BCL2L1: variants seen among roughly 807,000 people sequenced by gnomAD.
The protein encoded by BCL2L1 is bcl-2-like protein 1.
Under a neutral mutation model 18.7 loss-of-function variants are expected in BCL2L1, and 1 was observed. The ratio of observed to expected loss-of-function variants is 0.05; its 90% CI spans 0.02 to 0.25. The LOEUF (loss-of-function observed/expected upper bound fraction) is 0.25. BCL2L1 is among the 10% of genes least tolerant of loss of function. BCL2L1 has a pLI of 1.00. For synonymous variants in BCL2L1, 103 were observed against 122.7 expected (o/e 0.84, Z 1.06); for missense variants, 207 against 304.9 (o/e 0.68, Z 2.39).
intron 2 of BCL2L1, among the ~76,000 whole-genome samples, chr20:31,711,962 G>C (rs1007644750): frequency 6.6e-6 from 1 of 152,150 alleles, no homozygotes; most frequent in Non-Finnish European, 1.5e-5. Flanking sequence ...ACTTTTCTCT[G>C]AGCCTCAATT....
chr20:31,683,620 T>C lies in BCL2L1; in HGVS notation c.565-17534A>G, dbSNP rs547743148. Among the ~76,000 whole-genome samples, 6 of 151,722 alleles carry C rather than the reference T, an allele frequency of 4.0e-5. No homozygotes were observed. The East Asian group carries it at 1.2e-3, about 30-fold the overall frequency. Reference sequence around the variant, plus strand: ...CCCGTCTCTACTAAAAATACAAAAATTAGCTGGGTGTGGTGGCGGGCACCT... The same window carrying C: ...CCCGTCTCTACTAAAAATACAAAAACTAGCTGGGTGTGGTGGCGGGCACCT... On this transcript the variant is annotated intron_variant, in intron 2 of 2. Transcript: ENST00000307677.
rs542274623 is a variant in BCL2L1 at position 31,693,747 on chromosome 20, G to A, written c.565-27661C>T. Among the ~76,000 whole-genome samples, 27 of 152,020 alleles carry A rather than the reference G, an allele frequency of 1.8e-4. No individual in the cohort carries two copies. In the East Asian group the frequency reaches 5.3e-3, roughly 30 times the overall value. ...ATGGTGGTCTCACTATGTTGCCCAG[G>A]CTAGTCTCAAACTTCTGGCCTCAAG... is the stretch of plus-strand genomic sequence containing the variant. On this transcript the variant is annotated intron_variant, in intron 2 of 2. Coordinates refer to ENST00000307677, the MANE Select transcript of BCL2L1 (RefSeq NM_138578.3).
At chr20:31,720,833 G>A in intron 2 of BCL2L1, 1 of 985,432 alleles carries the variant, frequency 1.0e-6, no homozygotes, top group Non-Finnish European at 1.2e-6. Flanking sequence ...CTAGGTTCTT[G>A]CTTTGCCAGC....
intron 2 of BCL2L1, among the ~76,000 whole-genome samples, chr20:31,697,437 ACTTT>A (rs1315362984): frequency 1.3e-5 from 2 of 149,838 alleles, no homozygotes; most frequent in African/African-American, 2.4e-5. Flanking sequence ...TTAACAGGTG[ACTTT>A]CTTTTTTTTT....
Position 31,667,484 on chromosome 20 carries a change from C to CGTGTGTGTGTGTGTGTGTGTGTGT in BCL2L1, c.565-1422_565-1399dup, listed in dbSNP as rs3073682. ...AAAAAAAAAGGAAGTACCATAGTAC[C>CGTGTGTGTGTGTGTGTGTGTGTGT]GTGTGTGTGTGTGTGTGTGTGTGTG... On this transcript the variant is annotated intron_variant, in intron 2 of 2. Transcript: ENST00000307677. 1.7e-3 allele frequency among the ~76,000 whole-genome samples: 225 copies of CGTGTGTGTGTGTGTGTGTGTGTGT among 135,312 alleles called. 2 individuals carry two copies. The highest frequency in any genetic ancestry group is 2.7e-3 in the African/African-American group (89 of 32,718). The allele number at this position is 135,312 out of a possible 152,430, so 88.8% of individuals were successfully genotyped here.
At chr20:31,681,565 C>A (rs1295788226) in intron 2 of BCL2L1, among the ~76,000 whole-genome samples, 1 of 152,128 alleles carries the variant, frequency 6.6e-6, no homozygotes, top group Non-Finnish European at 1.5e-5. Context: ...TGCTGGAGCC[C>A]AGGAGGCTGA....
At chr20:31,700,383 A>G (rs1233439539) in intron 2 of BCL2L1, among the ~76,000 whole-genome samples, 1 of 152,168 alleles carries the variant, frequency 6.6e-6, no homozygotes, top group African/African-American at 2.4e-5. Flanking sequence ...AGTGGCCAGC[A>G]TGGGCATTAG....
At chr20:31,713,526 C>T (rs756365036) in intron 2 of BCL2L1, 25 of 985,256 alleles carry the variant, frequency 2.5e-5, no homozygotes, top group African/African-American at 1.4e-4. Flanking sequence ...CCTCCAGTTC[C>T]GAGGGGAGCA....
At chr20:31,716,012 C>G (rs1283319168) in intron 2 of BCL2L1, among the ~76,000 whole-genome samples, 4 of 152,062 alleles carry the variant, frequency 2.6e-5, no homozygotes, top group South Asian at 2.1e-4. Context: ...TTTCCCTCAC[C>G]CTGCCATAAC....
At chr20:31,723,946 C>T, upstream of BCL2L1, 3 of 985,478 alleles carry the variant, frequency 3.0e-6, no homozygotes, top group Non-Finnish European at 3.6e-6. Flanking sequence ...CAAGCTCAGT[C>T]ACTTCCGGTG....
At chr20:31,703,691 T>C (rs1461865011) in intron 2 of BCL2L1, among the ~76,000 whole-genome samples, 16 of 146,864 alleles carry the variant, frequency 1.1e-4, no homozygotes, top group African/African-American at 3.5e-4. Context: ...GGGGTTTCAC[T>C]GTGTTGGCCA....
chr20:31,698,570 G>A (rs779540574), intron 2 of BCL2L1, among the ~76,000 whole-genome samples: 3 of 151,236 alleles, frequency 2.0e-5, no homozygotes, highest in Non-Finnish European at 2.9e-5. Context: ...AGACGGTCTC[G>A]CTTTGTCACC....
intron 2 of BCL2L1, chr20:31,713,278 A>T: frequency 1.0e-6 from 1 of 985,346 alleles, no homozygotes; most frequent in Non-Finnish European, 1.2e-6. Flanking sequence ...GCATTTTCTA[A>T]ATCTTGAAGG....
At position 31,721,817 on chromosome 20, in the gene BCL2L1, C is replaced by A; in HGVS notation, c.402G>T (p.Gly134=). 1 of 1,614,180 alleles carries A rather than the reference C, an allele frequency of 6.2e-7. No homozygotes were observed. The highest frequency in any genetic ancestry group is 8.5e-7 in the Non-Finnish European group (1 of 1,180,042). ...EQVVNELFRD[G]VNWGRIVAFF... ...AGGCCACAATGCGACCCCAGTTTAC[C>A]CCATCCCGGAAGAGTTCATTCACTA... Residue 134 remains glycine, a synonymous_variant, in exon 2 of 3, where the codon GGG becomes GGT. Coordinates refer to ENST00000307677, the MANE Select transcript of BCL2L1 (RefSeq NM_138578.3).
chr20:31,722,434 T>A (rs961342908), intron 1 of BCL2L1, 86 bp from the exon 2 acceptor site: 2 of 411,392 alleles, frequency 4.9e-6, no homozygotes, highest in African/African-American at 2.0e-5. Flanking sequence ...GGTTTCTTTG[T>A]GGGTCTTACG....
intron 2 of BCL2L1, among the ~76,000 whole-genome samples, chr20:31,682,422 T>G (rs145964246): frequency 6.6e-6 from 1 of 152,274 alleles, no homozygotes; most frequent in African/African-American, 2.4e-5. Flanking sequence ...GCTTTGACCT[T>G]ATATGTGATT....
intron 2 of BCL2L1, among the ~76,000 whole-genome samples, chr20:31,698,220 C>T (rs527605034): frequency 7.5e-4 from 114 of 152,218 alleles, no homozygotes; most frequent in African/African-American, 2.6e-3. Context: ...GTCGGACTGT[C>T]ATTTCTTGGT....
intron 2 of BCL2L1, among the ~76,000 whole-genome samples, chr20:31,670,739 G>A (rs1270130935): frequency 6.6e-6 from 1 of 152,212 alleles, no homozygotes; most frequent in Non-Finnish European, 1.5e-5. Context: ...TGCTTTTGCG[G>A]AGACAGCATG....
At chr20:31,695,477 A>AT (rs1303832456) in intron 2 of BCL2L1, among the ~76,000 whole-genome samples, 4 of 152,060 alleles carry the variant, frequency 2.6e-5, no homozygotes, top group Non-Finnish European at 5.9e-5. Context: ...TTATTTTTTA[A>AT]TTTTTTTGAA....
Sources: allele counts gnomAD v4.1 joint callset (sites outside exome capture counted in the v4.1 genomes callset), GRCh38; gene constraint gnomAD v4.1.1; transcripts MANE v1.5; gene names NCBI Gene and HGNC (gene_info 2026-07-23, HGNC 2026-07-21).